PCCA: variants seen among roughly 807,000 people sequenced by gnomAD.
PCCA encodes the protein propionyl-CoA carboxylase alpha chain, mitochondrial.
PCCA carries 74 observed loss-of-function variants against 101.3 expected under a neutral mutation model. The ratio of observed to expected loss-of-function variants is 0.73; its 90% CI spans 0.61 to 0.89. The LOEUF is 0.89. Ranked by LOEUF, PCCA falls within the 40% of genes least tolerant of loss-of-function variation. The pLI is 0.00. For missense variants in PCCA, 891 were observed against 907.0 expected, an observed-to-expected ratio of 0.98 and a Z score of 0.23; for synonymous variants, 294 against 313.6, an observed-to-expected ratio of 0.94 and a Z score of 0.66.
At position 100,517,146 on chromosome 13, in the gene PCCA, G is replaced by A. The variant is rs371136762; in HGVS notation, c.2040+1579G>A. ...CTAACACCTGAATCCAAACCGGAGT[G>A]GAGGGAGGGCGGGCAGGGATGAGGG... On this transcript the variant is annotated intron_variant, in intron 22 of 23. Coordinates refer to ENST00000376285, the MANE Select transcript of PCCA (RefSeq NM_000282.4). 4.7e-3 allele frequency among the ~76,000 whole-genome samples: 720 copies of A among 151,640 alleles called. 4 individuals are homozygous for A. Among genetic ancestry groups the A allele is most frequent in the Non-Finnish European group, 8.2e-3 (556 of 67,918 alleles).
At chr13:100,393,732 ATT>A (rs2076924500) in intron 19 of PCCA, among the ~76,000 whole-genome samples, 1 of 152,152 alleles carries the variant, frequency 6.6e-6, no homozygotes, top group South Asian at 2.1e-4. Flanking sequence ...AAGAGTCTTA[ATT>A]GAACATCAAA....
At chr13:100,254,723 A>C (rs372221274) in intron 8 of PCCA, among the ~76,000 whole-genome samples, 2 of 152,168 alleles carry the variant, frequency 1.3e-5, no homozygotes, top group South Asian at 4.1e-4. Context: ...TCGATTTGGC[A>C]TAAGAAGTTG....
At chr13:100,158,465 A>C (rs2054095448) in intron 6 of PCCA, among the ~76,000 whole-genome samples, 2 of 152,208 alleles carry the variant, frequency 1.3e-5, no homozygotes, top group African/African-American at 4.8e-5. Context: ...CTAAGGCCTA[A>C]AGAGATATCC....
intron 15 of PCCA, among the ~76,000 whole-genome samples, chr13:100,308,200 A>G (rs969985858): frequency 2.0e-5 from 3 of 152,204 alleles, no homozygotes; most frequent in Admixed American, 1.3e-4. Context: ...GAAATGATAC[A>G]TCTGTATTGA....
chr13:100,141,114 T>G (rs1230087641), intron 4 of PCCA, among the ~76,000 whole-genome samples: 1 of 152,170 alleles, frequency 6.6e-6, no homozygotes, highest in Non-Finnish European at 1.5e-5. Context: ...ACATTGAGAA[T>G]CACAGACTTC....
intron 1 of PCCA, among the ~76,000 whole-genome samples, chr13:100,097,720 AAAAC>A (rs1342728077): frequency 1.1e-4 from 16 of 152,290 alleles, no homozygotes; most frequent in Middle Eastern, 6.8e-3. Context: ...TCCGTCTCAA[AAAAC>A]AAACAAACAC....
intron 22 of PCCA, among the ~76,000 whole-genome samples, chr13:100,524,818 G>A (rs2087618083): frequency 6.6e-6 from 1 of 152,178 alleles, no homozygotes; most frequent in African/African-American, 2.4e-5. Context: ...GTTGCAGTGA[G>A]CTGAGATTGT....
chr13:100,223,906 T>C (rs534449672), intron 7 of PCCA, among the ~76,000 whole-genome samples: 1 of 152,326 alleles, frequency 6.6e-6, no homozygotes, highest in South Asian at 2.1e-4. Flanking sequence ...CACAGGGTGC[T>C]GATTGGTGTA....
Position 100,165,706 on chromosome 13 carries a change from A to G in PCCA, c.468+8366A>G, listed in dbSNP as rs558435855. On this transcript the variant is annotated intron_variant, in intron 6 of 23. Coordinates refer to ENST00000376285, the MANE Select transcript of PCCA (RefSeq NM_000282.4). ...TAAGTTGTAGATAATAGTACAATTC[A>G]CTCTCCTGTACACTTCAGCATGCAG... Among the ~76,000 whole-genome samples the G allele has an allele frequency of 1.3e-5, 2 of 152,170 alleles. 1 individual carries two copies. Among genetic ancestry groups the G allele is most frequent in the Admixed American group, 1.3e-4 (2 of 15,272 alleles).
chr13:100,465,312 G>A (rs1194752792), intron 21 of PCCA, among the ~76,000 whole-genome samples: 1 of 152,198 alleles, frequency 6.6e-6, no homozygotes, highest in Non-Finnish European at 1.5e-5. Flanking sequence ...CTGGCCCCAT[G>A]AGCCAAGCTT....
In PCCA at chr13:100,415,263, C is replaced by T. The variant is rs185241273; in HGVS notation, c.1747-10370C>T. On this transcript the variant is annotated intron_variant, in intron 19 of 23. Coordinates refer to ENST00000376285, the MANE Select transcript of PCCA (RefSeq NM_000282.4). ...ACAAAAAAAAAAAAAAAAAATTAGC[C>T]AGGCATGATGGCAAACATCTGTAAC... is the stretch of plus-strand genomic sequence containing the variant. Among the ~76,000 whole-genome samples, 1,284 of 150,766 alleles carry T rather than the reference C, an allele frequency of 8.5e-3. 9 individuals are homozygous for T. Among genetic ancestry groups the T allele is most frequent in the Non-Finnish European group, 0.015 (1,025 of 67,800 alleles).
At position 100,394,934 on chromosome 13, in the gene PCCA, C is replaced by T. The variant is rs186121579; in HGVS notation, c.1746+26360C>T. ...CAAGGCAGCTTTTATCTTCTGTGTC[C>T]GTGATTCTAATTACATTTCAGGGGG... On this transcript the variant is annotated intron_variant, in intron 19 of 23. Coordinates refer to ENST00000376285, the MANE Select transcript of PCCA (RefSeq NM_000282.4). The surrounding 1 kb of genome is among the most constrained non-coding windows in gnomAD (Gnocchi z 4.3). Among the ~76,000 whole-genome samples, 2 of 152,148 alleles carry T rather than the reference C, an allele frequency of 1.3e-5. No individual in the cohort carries two copies. Among genetic ancestry groups the T allele is most frequent in the Admixed American group, 6.6e-5 (1 of 15,266 alleles).
intron 4 of PCCA, 148 bp downstream of exon 4, chr13:100,112,209 G>A (rs1206871848): frequency 7.7e-6 from 5 of 653,492 alleles, no homozygotes; most frequent in East Asian, 2.7e-5. Context: ...TAAGCAAAAC[G>A]ACAGTATCAC....
At chr13:100,124,043 T>C (rs1034501653) in intron 4 of PCCA, among the ~76,000 whole-genome samples, 1 of 152,114 alleles carries the variant, frequency 6.6e-6, no homozygotes, top group African/African-American at 2.4e-5. Context: ...GAATTTAAGA[T>C]TGTTGTACTT....
At chr13:100,210,909 T>C (rs2059172760) in intron 7 of PCCA, among the ~76,000 whole-genome samples, 1 of 152,224 alleles carries the variant, frequency 6.6e-6, no homozygotes, top group Admixed American at 6.5e-5. Context: ...TGTGTATCCA[T>C]GTTGTTTCTT....
intron 21 of PCCA, among the ~76,000 whole-genome samples, chr13:100,450,629 G>A (rs965291694): frequency 1.3e-5 from 2 of 152,214 alleles, no homozygotes; most frequent in African/African-American, 4.8e-5. Context: ...TATTTCAGGC[G>A]AGAGAGCTTG....
At chr13:100,118,351 A>T (rs2152295123) in intron 4 of PCCA, among the ~76,000 whole-genome samples, 1 of 152,138 alleles carries the variant, frequency 6.6e-6, no homozygotes, top group East Asian at 1.9e-4. Context: ...TCCACAGTTC[A>T]ATCAAGGTTC....
chr13:100,223,253 C>T (rs2059929541), intron 7 of PCCA, among the ~76,000 whole-genome samples: 1 of 152,068 alleles, frequency 6.6e-6, no homozygotes, highest in Non-Finnish European at 1.5e-5. Context: ...GGTTCTTGGT[C>T]TCACTGACTT....
At chr13:100,101,850 G>C (rs2047315167) in intron 1 of PCCA, among the ~76,000 whole-genome samples, 1 of 152,122 alleles carries the variant, frequency 6.6e-6, no homozygotes, top group South Asian at 2.1e-4. Flanking sequence ...TGATCCACCT[G>C]CCTTGACCTC....
Sources: allele counts gnomAD v4.1 joint callset (sites outside exome capture counted in the v4.1 genomes callset), GRCh38; gene constraint gnomAD v4.1.1; non-coding constraint Gnocchi (gnomAD v3.1); transcripts MANE v1.5; gene names NCBI Gene and HGNC (gene_info 2026-07-23, HGNC 2026-07-21).